The following TENM4 variants were observed in gnomAD, a reference collection of about 807,000 sequenced individuals.
The protein encoded by TENM4 is teneurin-4.
Under a neutral mutation model 243.3 loss-of-function variants are expected in TENM4, and 82 were observed. The observed-to-expected ratio is 0.34, with a 90% CI of 0.28 to 0.40. The LOEUF (loss-of-function observed/expected upper bound fraction) is 0.40, where lower values mean the gene tolerates loss of function less well. Among genes scored for constraint, TENM4 ranks in the 10% least tolerant of loss-of-function variants. TENM4 has a pLI of 1.00. For missense variants in TENM4, 3,138 were observed against 3,673.3 expected (o/e 0.85, Z 3.77); for synonymous variants, 1,412 against 1,456.3 (o/e 0.97, Z 0.69).
intron 6 of TENM4, among the ~76,000 whole-genome samples, chr11:78,986,972 C>T (rs1002259071): frequency 2.0e-5 from 3 of 152,162 alleles, no homozygotes; most frequent in African/African-American, 7.2e-5. Context: ...TATACAGATT[C>T]CATGAGGGTT....
chr11:78,826,755 A>G (rs1443089486), intron 12 of TENM4, among the ~76,000 whole-genome samples: 1 of 152,234 alleles, frequency 6.6e-6, no homozygotes, highest in Non-Finnish European at 1.5e-5. Flanking sequence ...GAGGTCAAAG[A>G]AAAATCTTCA....
intron 6 of TENM4, among the ~76,000 whole-genome samples, chr11:78,934,455 C>T (rs190471805): frequency 2.0e-5 from 3 of 152,286 alleles, no homozygotes; most frequent in Admixed American, 6.5e-5. Flanking sequence ...GGGGACATCT[C>T]AGGTGTTCTC....
Position 79,003,155 on chromosome 11 carries a change from GT to G in TENM4, c.493+61582del, listed in dbSNP as rs372714136. 9.8e-4 allele frequency among the ~76,000 whole-genome samples: 149 copies of G among 152,314 alleles called. 1 individual carries two copies. Among genetic ancestry groups the G allele is most frequent in the African/African-American group, 3.1e-3 (129 of 41,572 alleles). On this transcript the variant is annotated intron_variant, in intron 6 of 33. Coordinates refer to ENST00000278550, the MANE Select transcript of TENM4 (RefSeq NM_001098816.3). ...CAAAGCCTTTAAGAAATATGGAATT[GT>G]GTAAAGAGGCCAAATCTGTAAGTCA...
At chr11:78,891,757 A>G (rs1855671859) in intron 7 of TENM4, among the ~76,000 whole-genome samples, 2 of 152,204 alleles carry the variant, frequency 1.3e-5, no homozygotes, top group Admixed American at 1.3e-4. Context: ...CAAAGTTCAA[A>G]GCAGGAATTA....
intron 4 of TENM4, among the ~76,000 whole-genome samples, chr11:79,101,232 T>C (rs1386544607): frequency 6.6e-6 from 1 of 152,102 alleles, no homozygotes; most frequent in Non-Finnish European, 1.5e-5. Flanking sequence ...ATATAAAAAA[T>C]TTTCATAAAA....
intron 6 of TENM4, among the ~76,000 whole-genome samples, chr11:78,927,385 C>G (rs1856575609): frequency 6.6e-6 from 1 of 152,218 alleles, no homozygotes; most frequent in African/African-American, 2.4e-5. Flanking sequence ...TACTCCACCT[C>G]TTCTCTCATT....
intron 2 of TENM4, among the ~76,000 whole-genome samples, chr11:79,289,191 A>C (rs565139200): frequency 6.6e-5 from 10 of 152,340 alleles, no homozygotes; most frequent in Non-Finnish European, 1.3e-4. Context: ...GATAATGTTT[A>C]TCCAAAGTAT....
intron 2 of TENM4, among the ~76,000 whole-genome samples, chr11:79,243,148 G>C (rs891129101): frequency 6.6e-6 from 1 of 152,052 alleles, no homozygotes; most frequent in Admixed American, 6.5e-5. Context: ...GGGGGGCCTT[G>C]TGTGCTCCTT....
intron 19 of TENM4, among the ~76,000 whole-genome samples, chr11:78,755,421 A>C (rs368351195): frequency 1.3e-5 from 2 of 152,040 alleles, no homozygotes; most frequent in South Asian, 2.1e-4. Flanking sequence ...TGCCCGCCTG[A>C]GCCTCCCAGG....
chr11:79,069,870 C>T lies in TENM4; in HGVS notation c.75G>A (p.Ser25=). 3 of 1,549,992 alleles carry T rather than the reference C, an allele frequency of 1.9e-6. No homozygotes were observed. Among genetic ancestry groups the T allele is most frequent in the South Asian group, 1.2e-5 (1 of 84,048 alleles). Residue 25 remains serine (S), a synonymous_variant, in exon 5 of 34, where the codon TCG becomes TCA. Coordinates refer to ENST00000278550, the MANE Select transcript of TENM4 (RefSeq NM_001098816.3). ...CTTTGCCCTCCTCGCTGTCCGCGGA[C>T]GAGCTGGTGTAGCGGCGCTCGGCGT... is the stretch of plus-strand genomic sequence containing the variant. ...RRDAERRYTS[S]SADSEEGKAP...
At chr11:79,035,438 T>C (rs1439509022) in intron 6 of TENM4, among the ~76,000 whole-genome samples, 1 of 152,166 alleles carries the variant, frequency 6.6e-6, no homozygotes, top group Non-Finnish European at 1.5e-5. Flanking sequence ...TTATGTCTCT[T>C]CATCCTGCCT....
At chr11:79,156,488 C>T (rs962063706) in intron 3 of TENM4, among the ~76,000 whole-genome samples, 6 of 152,166 alleles carry the variant, frequency 3.9e-5, no homozygotes, top group Non-Finnish European at 8.8e-5. Flanking sequence ...CTCAGGCCTC[C>T]AGCACTTTCT....
intron 4 of TENM4, among the ~76,000 whole-genome samples, chr11:79,142,279 A>G (rs1384459620): frequency 6.6e-6 from 1 of 152,140 alleles, no homozygotes; most frequent in Admixed American, 6.6e-5. Flanking sequence ...CAAATTCAGT[A>G]AAGTTGCAGG....
chr11:79,319,899 C>T (rs1237925345), intron 1 of TENM4, among the ~76,000 whole-genome samples: 4 of 152,104 alleles, frequency 2.6e-5, no homozygotes, highest in Non-Finnish European at 4.4e-5. Context: ...ACTAGGTGAC[C>T]ACCACAACTG....
chr11:79,175,729 G>C (rs1175872134), intron 3 of TENM4, among the ~76,000 whole-genome samples: 1 of 152,088 alleles, frequency 6.6e-6, no homozygotes, highest in Non-Finnish European at 1.5e-5. Context: ...CATATCTATA[G>C]TTTCTAAATT....
chr11:78,808,775 T>C (rs1857439391), intron 14 of TENM4, among the ~76,000 whole-genome samples: 1 of 152,206 alleles, frequency 6.6e-6, no homozygotes, highest in African/African-American at 2.4e-5. Context: ...CTGACACCAT[T>C]CAAAAATGGT....
chr11:79,024,905 C>T (rs772954148), intron 6 of TENM4, among the ~76,000 whole-genome samples: 16 of 152,206 alleles, frequency 1.1e-4, no homozygotes, highest in Admixed American at 6.5e-4. Context: ...GATTCTTACC[C>T]GGGGCTCTTG....
intron 12 of TENM4, among the ~76,000 whole-genome samples, chr11:78,819,122 G>C (rs1014625285): frequency 2.0e-5 from 3 of 152,054 alleles, no homozygotes; most frequent in African/African-American, 4.8e-5. Context: ...AATACAAAGG[G>C]GCAACTGCAG....
intron 11 of TENM4, among the ~76,000 whole-genome samples, chr11:78,855,111 A>G (rs1858647349): frequency 6.6e-6 from 1 of 152,192 alleles, no homozygotes; most frequent in African/African-American, 2.4e-5. Flanking sequence ...ATTTCATGAA[A>G]AACTGTCTGG....
Sources: allele counts gnomAD v4.1 joint callset (sites outside exome capture counted in the v4.1 genomes callset), GRCh38; gene constraint gnomAD v4.1.1; transcripts MANE v1.5; gene names NCBI Gene and HGNC (gene_info 2026-07-23, HGNC 2026-07-21).